Variants in KCNK2 observed in about 807,000 individuals in gnomAD.
The protein encoded by KCNK2 is potassium channel subfamily K member 2.
KCNK2 carries 21 observed loss-of-function variants against 40.5 expected under a neutral mutation model. The ratio of observed to expected loss-of-function variants is 0.52; its 90% CI spans 0.37 to 0.75. The LOEUF (loss-of-function observed/expected upper bound fraction) is 0.75, where lower values mean the gene tolerates loss of function less well. KCNK2 is among the 30% of genes least tolerant of loss of function. The pLI is 0.00. For missense variants in KCNK2, 399 were observed against 531.6 expected, an observed-to-expected ratio of 0.75 and a Z score of 2.45; for synonymous variants, 191 against 202.2, an observed-to-expected ratio of 0.94 and a Z score of 0.47.
Position 215,235,096 on chromosome 1 carries a change from C to T in KCNK2, c.1232C>T (p.Thr411Met), listed in dbSNP as rs538085965. 16 of 1,610,158 alleles carry T rather than the reference C, an allele frequency of 9.9e-6. No individual in the cohort carries two copies. The highest frequency in any genetic ancestry group is 4.5e-5 in the East Asian group (2 of 44,700). The change falls in exon 7 of 7, where the codon ACG (threonine) becomes ATG (methionine). Residue 411 changes from threonine to methionine, a missense_variant. By Grantham distance (81) the Thr-to-Met change is moderately conservative (BLOSUM62 -1). This residue lies in a region of KCNK2 where 103 missense variants were observed against 124.3 expected (regional missense o/e 0.83). Coordinates refer to ENST00000444842, the MANE Select transcript of KCNK2 (RefSeq NM_001017425.3). The part of the protein sequence containing the change: ...KTESIYLNGL[T>M]PHCAGEEIAV... ...GAGAGTATCTATCTGAATGGTTTGACGCCACACTGTGCTGGTGAAGAGATT... is the reference window on the plus strand; with the variant it reads ...GAGAGTATCTATCTGAATGGTTTGATGCCACACTGTGCTGGTGAAGAGATT...
chr1:215,209,447 T>TA (rs1665503320), intron 6 of KCNK2, among the ~76,000 whole-genome samples: 2 of 21,598 alleles, frequency 9.3e-5, no homozygotes, highest in Non-Finnish European at 1.5e-4. Flanking sequence ...AAATATATAA[T>TA]ATATATTATA....
At chr1:215,093,778 T>TAAA (rs1558087902) in intron 2 of KCNK2, among the ~76,000 whole-genome samples, 259 of 13,372 alleles carry the variant, frequency 0.019, no homozygotes, top group Non-Finnish European at 0.042. Flanking sequence ...TAAAATATAT[T>TAAA]ATATATTATA....
At chr1:215,059,770 A>G (rs1171863283) in intron 1 of KCNK2, among the ~76,000 whole-genome samples, 1 of 152,242 alleles carries the variant, frequency 6.6e-6, no homozygotes, top group African/African-American at 2.4e-5. Flanking sequence ...AGAAAGATAG[A>G]AAAGAAGAAC....
chr1:215,093,801 TAAA>T (rs1183016829), intron 2 of KCNK2, among the ~76,000 whole-genome samples: 1,054 of 24,122 alleles, frequency 0.044, 28 homozygotes, highest in Non-Finnish European at 0.11. Context: ...TTATATAATA[TAAA>T]ATATATTATA....
chr1:215,207,040 C>T (rs1427102860), intron 6 of KCNK2, among the ~76,000 whole-genome samples: 3 of 152,068 alleles, frequency 2.0e-5, no homozygotes, highest in African/African-American at 7.2e-5. Flanking sequence ...TTGGATATCC[C>T]CTCCCCTGTG....
intron 6 of KCNK2, among the ~76,000 whole-genome samples, chr1:215,201,821 A>G (rs1360553609): frequency 6.6e-6 from 1 of 152,074 alleles, no homozygotes; most frequent in East Asian, 1.9e-4. Context: ...TTAGTCTTTG[A>G]TTGGAGATCA....
At chr1:215,145,720 G>A (rs1463183413) in intron 3 of KCNK2, among the ~76,000 whole-genome samples, 1 of 152,006 alleles carries the variant, frequency 6.6e-6, no homozygotes, top group African/African-American at 2.4e-5. Context: ...AAATTATATT[G>A]GAAAAGTCTT....
chr1:215,217,461 AAG>A (rs1666006479), intron 6 of KCNK2, among the ~76,000 whole-genome samples: 1 of 152,174 alleles, frequency 6.6e-6, no homozygotes, highest in Admixed American at 6.6e-5. Context: ...AACAGCAACA[AAG>A]AACCACAAAA....
At chr1:215,140,821 C>G (rs1252343102) in intron 3 of KCNK2, among the ~76,000 whole-genome samples, 1 of 152,000 alleles carries the variant, frequency 6.6e-6, no homozygotes, top group Admixed American at 6.6e-5. Flanking sequence ...AAATATTTTT[C>G]TCTCTTCAAT....
intron 1 of KCNK2, among the ~76,000 whole-genome samples, chr1:215,010,162 T>C (rs1016108483): frequency 4.6e-5 from 7 of 152,160 alleles, no homozygotes; most frequent in African/African-American, 1.7e-4. Context: ...GAATAAGAGT[T>C]TCAGCCAGGT....
chr1:215,026,797 A>G (rs1314285717), intron 1 of KCNK2, among the ~76,000 whole-genome samples: 3 of 152,184 alleles, frequency 2.0e-5, no homozygotes, highest in African/African-American at 4.8e-5. Flanking sequence ...TTGGAATTCT[A>G]TTGAGAATGA....
intron 6 of KCNK2, among the ~76,000 whole-genome samples, chr1:215,209,431 A>AAAATATGCATATATTAT (rs1665498441): frequency 2.7e-4 from 3 of 11,010 alleles, no homozygotes; most frequent in African/African-American, 9.2e-4. Context: ...TAATATATAT[A>AAAATATGCATATATTAT]ATATAAAATA....
chr1:215,109,761 T>A (rs898358741), intron 2 of KCNK2, among the ~76,000 whole-genome samples: 2 of 152,142 alleles, frequency 1.3e-5, no homozygotes, highest in African/African-American at 4.8e-5. Context: ...GACTGGATTG[T>A]ATGGTAGTTC....
intron 2 of KCNK2, among the ~76,000 whole-genome samples, chr1:215,117,830 G>A (rs1661015077): frequency 6.6e-6 from 1 of 151,998 alleles, no homozygotes; most frequent in South Asian, 2.1e-4. Context: ...ATCATGAAAG[G>A]ACAAAGAGGT....
intron 2 of KCNK2, among the ~76,000 whole-genome samples, chr1:215,108,035 G>T (rs1275584110): frequency 6.6e-6 from 1 of 152,090 alleles, no homozygotes; most frequent in Non-Finnish European, 1.5e-5. Context: ...TTCCACCTCA[G>T]ATCATCAGGC....
chr1:215,226,539 A>T (rs982748299), intron 6 of KCNK2, among the ~76,000 whole-genome samples: 3 of 151,938 alleles, frequency 2.0e-5, no homozygotes, highest in African/African-American at 7.3e-5. Flanking sequence ...GTTAGCCAGG[A>T]TGGTCTCAAT....
At chr1:215,177,740 A>ATATATATATTTT (rs71167812) in intron 5 of KCNK2, among the ~76,000 whole-genome samples, 166 of 101,544 alleles carry the variant, frequency 1.6e-3, no homozygotes, top group African/African-American at 2.5e-3. Context: ...ATATATATAT[A>ATATATATATTTT]TTTTTTTTTT....
intron 6 of KCNK2, among the ~76,000 whole-genome samples, chr1:215,198,890 A>G (rs1434156111): frequency 1.3e-5 from 2 of 152,222 alleles, no homozygotes; most frequent in Non-Finnish European, 2.9e-5. Context: ...GAATGAAAAG[A>G]TTTTGGCTAA....
chr1:215,216,262 G>A (rs1271441545), intron 6 of KCNK2, among the ~76,000 whole-genome samples: 1 of 151,536 alleles, frequency 6.6e-6, no homozygotes, highest in Non-Finnish European at 1.5e-5. Flanking sequence ...ATAAAAGCAT[G>A]ATTTATTGTA....
Sources: gnomAD v4.1 joint callset for allele counts (sites outside exome capture counted in the v4.1 genomes callset) on GRCh38, gnomAD v4.1.1 for gene constraint, gnomAD v4.1.1 regional missense constraint, MANE v1.5 for transcripts, NCBI Gene and HGNC (gene_info 2026-07-23, HGNC 2026-07-21) for gene names.